Variants in IFT88 observed in about 807,000 individuals in gnomAD.
IFT88 encodes intraflagellar transport protein 88 homolog.
A neutral mutation model predicts 119.5 loss-of-function variants in IFT88; 74 were observed. The observed-to-expected ratio is 0.62, with a 90% CI of 0.51 to 0.75. The LOEUF (loss-of-function observed/expected upper bound fraction) is 0.75, where lower values mean the gene tolerates loss of function less well. IFT88 is among the 30% of genes least tolerant of loss of function. The pLI, the probability that IFT88 is intolerant of heterozygous loss-of-function variation, is 0.00. For missense variants in IFT88, 961 were observed against 977.7 expected (o/e 0.98, Z 0.23); for synonymous variants, 279 against 316.7 (o/e 0.88, Z 1.26).
intron 21 of IFT88, among the ~76,000 whole-genome samples, chr13:20,654,268 T>C (rs1275095943): frequency 9.2e-5 from 14 of 152,236 alleles, no homozygotes; most frequent in Admixed American, 9.2e-4. Context: ...TAATTCTAAA[T>C]GTCCTGTGTG....
intron 14 of IFT88, among the ~76,000 whole-genome samples, chr13:20,621,320 G>A (rs2046435036): frequency 6.6e-6 from 1 of 152,038 alleles, no homozygotes; most frequent in Non-Finnish European, 1.5e-5. Flanking sequence ...GCCCACCTCA[G>A]CCTCCCAAAC....
intron 23 of IFT88, 125 bp from the exon 24 acceptor site, chr13:20,670,848 C>A: frequency 7.5e-6 from 4 of 531,902 alleles, no homozygotes; most frequent in Non-Finnish European, 9.1e-6. Context: ...AGAATCAACT[C>A]TCAGGTATGA....
At chr13:20,685,316 T>C (rs963007513) in intron 24 of IFT88, among the ~76,000 whole-genome samples, 6 of 152,196 alleles carry the variant, frequency 3.9e-5, no homozygotes, top group Admixed American at 3.9e-4. Context: ...GTGTGTGTGA[T>C]AGCCATCACG....
intron 6 of IFT88, 50 bp from the exon 7 acceptor site, chr13:20,592,285 C>A (rs369569873): frequency 7.3e-7 from 1 of 1,372,638 alleles, no homozygotes; most frequent in African/African-American, 1.4e-5. Context: ...ATATATTCTT[C>A]GATTTTGCTG....
chr13:20,575,390 A>G (rs1348606468), intron 2 of IFT88, among the ~76,000 whole-genome samples: 1 of 152,104 alleles, frequency 6.6e-6, no homozygotes, highest in East Asian at 1.9e-4. Flanking sequence ...AATCTTGGCT[A>G]TTGTGAATAC....
chr13:20,596,460 T>C (rs1372849033), intron 8 of IFT88, among the ~76,000 whole-genome samples: 5 of 152,150 alleles, frequency 3.3e-5, no homozygotes, highest in Admixed American at 3.3e-4. Context: ...GCCTTTTCAG[T>C]AGGGAAAAAA....
chr13:20,686,414 G>T (rs1296837093), intron 24 of IFT88, among the ~76,000 whole-genome samples: 2 of 152,180 alleles, frequency 1.3e-5, no homozygotes, highest in Admixed American at 1.3e-4. Flanking sequence ...TAAGGTAAAA[G>T]TCACCCACAG....
At chr13:20,619,925 A>G (rs76731242) in intron 14 of IFT88, among the ~76,000 whole-genome samples, 89 of 152,172 alleles carry the variant, frequency 5.8e-4, no homozygotes, top group Non-Finnish European at 1.1e-3. Context: ...GTGGCATCTC[A>G]TTGTAGTTTT....
chr13:20,605,490 G>A (rs1240369782), intron 13 of IFT88, among the ~76,000 whole-genome samples: 1 of 152,078 alleles, frequency 6.6e-6, no homozygotes, highest in Non-Finnish European at 1.5e-5. Flanking sequence ...TCACAATTAA[G>A]GATCAGCTCT....
intron 9 of IFT88, among the ~76,000 whole-genome samples, chr13:20,597,756 T>A (rs576958541): frequency 0.02 from 2,317 of 115,186 alleles, 64 homozygotes; most frequent in African/African-American, 0.072. Flanking sequence ...AAAAAAAAAA[T>A]ATATATATAT....
chr13:20,677,413 T>C (rs1195897716), intron 24 of IFT88, among the ~76,000 whole-genome samples: 1 of 152,226 alleles, frequency 6.6e-6, no homozygotes, highest in African/African-American at 2.4e-5. Context: ...CAGAGTATTA[T>C]GTCATCTGAG....
At chr13:20,602,725 A>G (rs1249006970) in intron 12 of IFT88, among the ~76,000 whole-genome samples, 1 of 152,120 alleles carries the variant, frequency 6.6e-6, no homozygotes, top group East Asian at 1.9e-4. Context: ...TCTACCGAAA[A>G]TACAAAAATT....
At chr13:20,642,575 G>A (rs1180834018) in intron 18 of IFT88, 2 of 152,276 alleles carry the variant, frequency 1.3e-5, no homozygotes, top group Non-Finnish European at 2.9e-5. Flanking sequence ...CTGTACTCCA[G>A]CCTAGGTGCA....
intron 7 of IFT88, among the ~76,000 whole-genome samples, chr13:20,593,909 G>A (rs901157060): frequency 2.0e-5 from 3 of 151,838 alleles, no homozygotes; most frequent in Admixed American, 2.0e-4. Context: ...AAATTAGCTG[G>A]GTATGGTGGC....
chr13:20,589,896 G>A, intron 4 of IFT88, 29 bp downstream of exon 4: 1 of 1,412,406 alleles, frequency 7.1e-7, no homozygotes, highest in Non-Finnish European at 1.0e-6. Context: ...AAAATATTAA[G>A]ATGCTTTTTC....
chr13:20,642,978 G>A (rs570037010), intron 18 of IFT88: 1 of 141,864 alleles, frequency 7.0e-6, no homozygotes, highest in South Asian at 2.4e-4. Flanking sequence ...TAAATTATTT[G>A]TATATACACC....
Position 20,653,892 on chromosome 13 carries a change from T to C in IFT88, c.1966T>C (p.Trp656Arg). 2 of 1,582,786 alleles carry C rather than the reference T, an allele frequency of 1.3e-6. No homozygotes were observed. The highest frequency in any genetic ancestry group is 1.7e-6 in the Non-Finnish European group (2 of 1,163,572). The change falls in exon 21 of 26, where the codon TGG (tryptophan) becomes CGG (arginine). Residue 656 changes from tryptophan (W) to arginine (R), a missense_variant. Coordinates refer to ENST00000351808, the MANE Select transcript of IFT88 (RefSeq NM_006531.5). ...ATTTTATAGGCCTACACAAGTGAAATGGCAGCTGATGGTAGCTAGTTGTTT... is the reference window on the plus strand; with the variant it reads ...ATTTTATAGGCCTACACAAGTGAAACGGCAGCTGATGGTAGCTAGTTGTTT... ...ASLIQPTQVK[W>R]QLMVASCFRR... is the part of the protein sequence containing the mutation.
rs576436154 is a variant in IFT88, at chr13:20,690,897, T to C, written c.2353+82T>C. On this transcript the variant is annotated intron_variant, in intron 25 of 25. Coordinates refer to ENST00000351808, the MANE Select transcript of IFT88 (RefSeq NM_006531.5). ...GATGGCCAAAAGGTGTTGCTGGGAA[T>C]TCTTAAGAATTTGATATTTACAGAT... The C allele has an allele frequency of 1.4e-5, 19 of 1,381,006 alleles. No individual in the cohort carries two copies. In the African/African-American group the frequency reaches 2.7e-4, roughly 20 times the overall value. The allele number at this position is 1,381,006 out of a possible 1,614,324, so 85.5% of individuals were successfully genotyped here.
chr13:20,688,322 G>C (rs1163371128), intron 24 of IFT88, among the ~76,000 whole-genome samples: 1 of 152,206 alleles, frequency 6.6e-6, no homozygotes, highest in Non-Finnish European at 1.5e-5. Flanking sequence ...ACTCCAGCTT[G>C]GGCAACAAGA....
Sources: allele counts gnomAD v4.1 joint callset (sites outside exome capture counted in the v4.1 genomes callset), GRCh38; gene constraint gnomAD v4.1.1; transcripts MANE v1.5; gene names NCBI Gene and HGNC (gene_info 2026-07-23, HGNC 2026-07-21).